Variants in CNTNAP4 observed in about 807,000 individuals in gnomAD.
The protein encoded by CNTNAP4 is contactin-associated protein-like 4.
In CNTNAP4, 98 loss-of-function variants were observed where a neutral mutation model predicts 148.4. The ratio of observed to expected loss-of-function variants is 0.66; its 90% CI spans 0.56 to 0.78. The LOEUF is 0.78. Among genes scored for constraint, CNTNAP4 ranks in the 30% least tolerant of loss-of-function variants. CNTNAP4 has a pLI of 0.00. For synonymous variants in CNTNAP4, 730 were observed against 565.1 expected (o/e 1.29, Z -4.14); for missense variants, 1,935 against 1,565.6 (o/e 1.24, Z -3.98).
chr16:76,485,864 C>T (rs2143734875), intron 12 of CNTNAP4, among the ~76,000 whole-genome samples: 1 of 152,316 alleles, frequency 6.6e-6, no homozygotes, highest in Middle Eastern at 3.4e-3. Flanking sequence ...TCAAGCTTTG[C>T]TCCAGAAGGC....
chr16:76,555,855 T>G (rs1248500909), intron 23 of CNTNAP4, among the ~76,000 whole-genome samples: 1 of 152,140 alleles, frequency 6.6e-6, no homozygotes, highest in African/African-American at 2.4e-5. Context: ...TGATGTCTGG[T>G]TTTGGTCATT....
intron 18 of CNTNAP4, among the ~76,000 whole-genome samples, 195 bp from the exon 19 acceptor site, chr16:76,537,921 T>C (rs1364797000): frequency 6.6e-6 from 1 of 152,166 alleles, no homozygotes; most frequent in Non-Finnish European, 1.5e-5. Context: ...ATTAATTATA[T>C]GTCATTTTAA....
rs201609656 is a variant in CNTNAP4 at position 76,462,032 on chromosome 16, C to G, written c.1410C>G (p.Asp470Glu). The change falls in exon 9 of 24, where the codon GAC (aspartate) becomes GAG (glutamate). Residue 470 changes from aspartate (D) to glutamate (E), a missense_variant. By Grantham distance (45) the Asp-to-Glu change is conservative. Coordinates refer to ENST00000611870, the MANE Select transcript of CNTNAP4 (RefSeq NM_033401.5). The part of the protein sequence containing the change: ...AKKNHLSVAV[D>E]GQMASAAPLL... ...AGAATCACTTGAGTGTGGCGGTGGA[C>G]GGCCAGATGGCTTCTGCTGCTCCTC... 6.2e-7 allele frequency: 1 copy of G among 1,613,712 alleles called. No homozygotes were observed. Among genetic ancestry groups the G allele is most frequent in the Non-Finnish European group, 8.5e-7 (1 of 1,179,762 alleles).
At chr16:76,529,088 TCTC>T (rs1267266806) in intron 17 of CNTNAP4, among the ~76,000 whole-genome samples, 2 of 152,198 alleles carry the variant, frequency 1.3e-5, no homozygotes, top group African/African-American at 4.8e-5. Context: ...GCAATGAACA[TCTC>T]CTCCTCTCCT....
chr16:76,337,057 T>C (rs1320509183), intron 2 of CNTNAP4, among the ~76,000 whole-genome samples: 2 of 152,220 alleles, frequency 1.3e-5, no homozygotes, highest in African/African-American at 2.4e-5. Flanking sequence ...TATCTTCTCA[T>C]AAAACAACCT....
chr16:76,524,270 A>C (rs931943283), intron 17 of CNTNAP4, among the ~76,000 whole-genome samples: 2 of 152,218 alleles, frequency 1.3e-5, no homozygotes, highest in Non-Finnish European at 2.9e-5. Context: ...TAAAGAATGT[A>C]TGAGAAGAAA....
intron 3 of CNTNAP4, among the ~76,000 whole-genome samples, chr16:76,409,061 C>G (rs1186724057): frequency 1.3e-5 from 2 of 152,014 alleles, no homozygotes; most frequent in African/African-American, 2.4e-5. Context: ...GATTTTGTGA[C>G]TGTCCTGGAA....
intron 2 of CNTNAP4, among the ~76,000 whole-genome samples, chr16:76,351,914 G>T (rs1342729351): frequency 6.6e-6 from 1 of 152,166 alleles, no homozygotes; most frequent in Admixed American, 6.5e-5. Flanking sequence ...GCCTGTAGAG[G>T]CATGGAAATG....
rs189987576 is a variant in CNTNAP4 at position 76,525,389 on chromosome 16, G to C, written c.2755+3132G>C. Among the ~76,000 whole-genome samples, 387 of 149,548 alleles carry C rather than the reference G, an allele frequency of 2.6e-3. 3 individuals are homozygous for C. The highest frequency in any genetic ancestry group is 9.1e-3 in the African/African-American group (371 of 40,906). ...GAGTATATTTCAGTGGAAGAGAAGA[G>C]ACAAGCAATTAAAAAAATCTGTCTA... On this transcript the variant is annotated intron_variant, in intron 17 of 23. Coordinates refer to ENST00000611870, the MANE Select transcript of CNTNAP4 (RefSeq NM_033401.5).
At chr16:76,398,490 A>C (rs917515107) in intron 3 of CNTNAP4, among the ~76,000 whole-genome samples, 9 of 152,230 alleles carry the variant, frequency 5.9e-5, no homozygotes, top group Admixed American at 3.3e-4. Flanking sequence ...GTTGCTTTCA[A>C]TTCTCAGCCA....
At chr16:76,405,099 C>T (rs1349670176) in intron 3 of CNTNAP4, among the ~76,000 whole-genome samples, 1 of 152,094 alleles carries the variant, frequency 6.6e-6, no homozygotes, top group Non-Finnish European at 1.5e-5. Context: ...ATTTCTTGAA[C>T]TCTGAATAGA....
At chr16:76,529,475 G>C (rs1265057187) in intron 17 of CNTNAP4, among the ~76,000 whole-genome samples, 3 of 152,188 alleles carry the variant, frequency 2.0e-5, no homozygotes, top group African/African-American at 7.2e-5. Context: ...CATTTTTAAA[G>C]CTGAAATGTG....
chr16:76,318,970 G>C (rs578061075), intron 2 of CNTNAP4, among the ~76,000 whole-genome samples: 2 of 151,920 alleles, frequency 1.3e-5, no homozygotes, highest in Non-Finnish European at 2.9e-5. Context: ...TGAAAACTTA[G>C]AGCCAAAGAA....
At chr16:76,282,809 T>G (rs916514835) in intron 1 of CNTNAP4, among the ~76,000 whole-genome samples, 1 of 151,942 alleles carries the variant, frequency 6.6e-6, no homozygotes, top group African/African-American at 2.4e-5. Context: ...TTTCCTACAG[T>G]TTTTTGAAAA....
At chr16:76,553,799 T>A in intron 22 of CNTNAP4, 37 bp from the exon 23 acceptor site, 1 of 1,365,092 alleles carries the variant, frequency 7.3e-7, no homozygotes, top group Non-Finnish European at 1.0e-6. Context: ...TTTACTTGCC[T>A]ATATCACCTT....
At chr16:76,525,744 T>A (rs1020735848) in intron 17 of CNTNAP4, among the ~76,000 whole-genome samples, 2 of 7,284 alleles carry the variant, frequency 2.7e-4, no homozygotes, top group Non-Finnish European at 7.0e-4. Context: ...ATATATTGTA[T>A]ATAATATAGC....
chr16:76,558,408 A>G lies in CNTNAP4; in HGVS notation c.3734-82A>G, dbSNP rs1432537954. 5 of 747,408 alleles carry G rather than the reference A, an allele frequency of 6.7e-6. No homozygotes were observed. The African/African-American group carries it at 7.1e-5, about 11-fold the overall frequency. 46.3% of individuals were successfully genotyped at this position (747,408 alleles called of 1,614,324 possible). A position where few individuals can be genotyped will look rare whatever the true frequency, so the allele number is the denominator to read the frequency against. ...GATGCTTAAAGTGGAAAATAGTGTT[A>G]TGATGACTTATTAAGCAATGAAGTC... On this transcript the variant is annotated intron_variant, in intron 23 of 23. Coordinates refer to ENST00000611870, the MANE Select transcript of CNTNAP4 (RefSeq NM_033401.5).
intron 3 of CNTNAP4, among the ~76,000 whole-genome samples, chr16:76,404,631 C>T (rs1324622244): frequency 6.6e-6 from 1 of 152,060 alleles, no homozygotes; most frequent in Admixed American, 6.6e-5. Context: ...TTTCTTAATA[C>T]ATATAGAATC....
chr16:76,532,595 T>G (rs1381895632), intron 17 of CNTNAP4, among the ~76,000 whole-genome samples: 1 of 152,226 alleles, frequency 6.6e-6, no homozygotes, highest in African/African-American at 2.4e-5. Flanking sequence ...TACTGTAGAC[T>G]GTATACCATG....
Sources: allele counts gnomAD v4.1 joint callset (sites outside exome capture counted in the v4.1 genomes callset), GRCh38; gene constraint gnomAD v4.1.1; transcripts MANE v1.5; gene names NCBI Gene and HGNC (gene_info 2026-07-23, HGNC 2026-07-21).